Variants in PDE7B observed in about 807,000 individuals in gnomAD.
The protein encoded by PDE7B is 3',5'-cyclic-AMP phosphodiesterase 7B.
PDE7B carries 29 observed loss-of-function variants against 56.2 expected under a neutral mutation model. The ratio of observed to expected loss-of-function variants is 0.52; its 90% CI spans 0.38 to 0.70. PDE7B has a LOEUF of 0.70. Ranked by LOEUF, PDE7B falls within the 30% of genes least tolerant of loss-of-function variation. The pLI is 0.00. For synonymous variants in PDE7B, 197 were observed against 196.9 expected (o/e 1.00, Z 0.00); for missense variants, 490 against 565.0 (o/e 0.87, Z 1.35).
intron 1 of PDE7B, among the ~76,000 whole-genome samples, chr6:135,877,287 T>C (rs1186420714): frequency 2.0e-5 from 3 of 151,944 alleles, no homozygotes; most frequent in African/African-American, 7.2e-5. Flanking sequence ...TTCTTTTTCA[T>C]GTCATGTTTT....
chr6:136,131,479 T>C (rs913725026), intron 3 of PDE7B, among the ~76,000 whole-genome samples: 6 of 148,900 alleles, frequency 4.0e-5, no homozygotes, highest in African/African-American at 1.5e-4. Flanking sequence ...TATGCATCCC[T>C]GTGCATCCTG....
chr6:136,191,844 C>T lies in PDE7B; in HGVS notation c.*4C>T, dbSNP rs1399194775. On this transcript the variant is annotated 3_prime_UTR_variant, in exon 13 of 13. Transcript: ENST00000308191. ...GCAGGAAGGCGACAGCCCCTAGGGGCCGGCCCAACTTAGACGCGGCTCTCC... is the reference window on the plus strand; with the variant it reads ...GCAGGAAGGCGACAGCCCCTAGGGGTCGGCCCAACTTAGACGCGGCTCTCC... The T allele has an allele frequency of 1.3e-6, 2 of 1,547,628 alleles. No individual in the cohort carries two copies. The highest frequency in any genetic ancestry group is 2.4e-5 in the East Asian group (1 of 40,900).
chr6:136,126,185 A>C (rs1205673080), intron 3 of PDE7B, among the ~76,000 whole-genome samples: 2 of 152,226 alleles, frequency 1.3e-5, no homozygotes, highest in African/African-American at 4.8e-5. Flanking sequence ...TTGGAAATGC[A>C]GTCAACTATC....
rs1173642840 is a variant in PDE7B, at chr6:136,116,195, G to T, written c.166+7381G>T. ...GCTAAACACTGAAAGATAAGACAGT[G>T]TTGACTGATTAAGGAGTTGCCTATA... On this transcript the variant is annotated intron_variant, in intron 3 of 12. Coordinates refer to ENST00000308191, the MANE Select transcript of PDE7B (RefSeq NM_018945.4). Among the ~76,000 whole-genome samples, 5 of 152,344 alleles carry T rather than the reference G, an allele frequency of 3.3e-5. 1 individual carries two copies. In the South Asian group the frequency reaches 8.3e-4, roughly 25 times the overall value.
intron 1 of PDE7B, among the ~76,000 whole-genome samples, chr6:135,853,813 C>A (rs1774977791): frequency 6.6e-6 from 1 of 152,054 alleles, no homozygotes; most frequent in Admixed American, 6.5e-5. Flanking sequence ...AAAATAATTA[C>A]ACGAGTGCAT....
At chr6:136,020,584 G>T (rs549492924) in intron 2 of PDE7B, among the ~76,000 whole-genome samples, 1 of 152,036 alleles carries the variant, frequency 6.6e-6, no homozygotes, top group South Asian at 2.1e-4. Context: ...TCACAGAGGA[G>T]CATGCCATGT....
intron 2 of PDE7B, among the ~76,000 whole-genome samples, chr6:135,995,489 T>C (rs1005363939): frequency 1.3e-5 from 2 of 152,210 alleles, no homozygotes; most frequent in Admixed American, 6.5e-5. Context: ...AAGACACTGA[T>C]GAGTATGAGT....
chr6:136,181,149 T>C lies in PDE7B; in HGVS notation c.949-78T>C. 3 of 957,578 alleles carry C rather than the reference T, an allele frequency of 3.1e-6. No individual in the cohort carries two copies. In the East Asian group the frequency reaches 7.2e-5, roughly 23 times the overall value. 59.3% of individuals were successfully genotyped at this position (957,578 alleles called of 1,614,324 possible). A position where few individuals can be genotyped will look rare whatever the true frequency, so the allele number is the denominator to read the frequency against. On this transcript the variant is annotated intron_variant, in intron 10 of 12. Transcript: ENST00000308191. Reference sequence around the variant, plus strand: ...ACTGTGAGCAGACTGAACAGCTTGATAGCCTCTTTGGCTTGGGGTGCTTTT... The same window carrying C: ...ACTGTGAGCAGACTGAACAGCTTGACAGCCTCTTTGGCTTGGGGTGCTTTT...
intron 1 of PDE7B, among the ~76,000 whole-genome samples, chr6:135,920,343 C>T (rs1411703421): frequency 1.3e-5 from 2 of 152,114 alleles, no homozygotes; most frequent in Admixed American, 6.6e-5. Flanking sequence ...ATGTCAAGTC[C>T]TCCCCATGCT....
At chr6:136,075,955 G>A (rs868031828) in intron 2 of PDE7B, among the ~76,000 whole-genome samples, 3 of 151,936 alleles carry the variant, frequency 2.0e-5, no homozygotes, top group East Asian at 1.9e-4. Flanking sequence ...TTTTTTATAC[G>A]GCAGATAAAT....
intron 1 of PDE7B, among the ~76,000 whole-genome samples, chr6:135,916,565 G>A (rs953646675): frequency 2.0e-5 from 3 of 151,350 alleles, no homozygotes; most frequent in East Asian, 1.9e-4. Flanking sequence ...GCTAATTTTT[G>A]TATTTTTAGT....
At chr6:136,140,929 C>T (rs1405649420) in intron 3 of PDE7B, among the ~76,000 whole-genome samples, 4 of 151,960 alleles carry the variant, frequency 2.6e-5, no homozygotes, top group African/African-American at 9.6e-5. Context: ...AATTTGACTT[C>T]CTCTTTTCCT....
chr6:136,047,575 T>A (rs749170719), intron 2 of PDE7B: 1 of 152,186 alleles, frequency 6.6e-6, no homozygotes. Context: ...TCTCAAATCC[T>A]CCAAAAATTG....
intron 1 of PDE7B, among the ~76,000 whole-genome samples, chr6:135,920,589 A>T (rs749434431): frequency 6.6e-6 from 1 of 152,160 alleles, no homozygotes; most frequent in Non-Finnish European, 1.5e-5. Flanking sequence ...CAAAGTCTCC[A>T]TGAGTCTAAC....
Position 135,970,048 on chromosome 6 carries a change from A to G in PDE7B, c.82+22524A>G, listed in dbSNP as rs78257499. On this transcript the variant is annotated intron_variant, in intron 2 of 12. Coordinates refer to ENST00000308191, the MANE Select transcript of PDE7B (RefSeq NM_018945.4). ...TCTCATATCAAAAATCCAGCAATTT[A>G]TTGTTTCTGTAAATATTTATTGAGT... Among the ~76,000 whole-genome samples the G allele has an allele frequency of 2.0e-4, 31 of 152,230 alleles. 1 individual carries two copies. In the East Asian group the frequency reaches 6.0e-3, roughly 29 times the overall value.
intron 1 of PDE7B, among the ~76,000 whole-genome samples, chr6:135,883,141 G>A (rs1775640333): frequency 6.6e-6 from 1 of 152,076 alleles, no homozygotes; most frequent in South Asian, 2.1e-4. Flanking sequence ...CACTGATCTT[G>A]AGGAATGGCT....
At chr6:136,136,653 G>A (rs1040683605) in intron 3 of PDE7B, among the ~76,000 whole-genome samples, 35 of 151,074 alleles carry the variant, frequency 2.3e-4, no homozygotes, top group African/African-American at 7.5e-4. Flanking sequence ...TTGCATGCCC[G>A]TTATCAAAAC....
At chr6:136,182,183 C>A (rs367905332) in intron 11 of PDE7B, among the ~76,000 whole-genome samples, 29 of 152,276 alleles carry the variant, frequency 1.9e-4, no homozygotes, top group African/African-American at 7.0e-4. Context: ...TCAATGACAT[C>A]GTGATGGCCC....
At chr6:135,870,665 G>T (rs1405675550) in intron 1 of PDE7B, among the ~76,000 whole-genome samples, 1 of 152,024 alleles carries the variant, frequency 6.6e-6, no homozygotes, top group Admixed American at 6.6e-5. Flanking sequence ...GAGGGGAGAT[G>T]CAGGAAATAA....
Sources: allele counts gnomAD v4.1 joint callset (sites outside exome capture counted in the v4.1 genomes callset), GRCh38; gene constraint gnomAD v4.1.1; transcripts MANE v1.5; gene names NCBI Gene and HGNC (gene_info 2026-07-23, HGNC 2026-07-21).